CFAP52: variants seen among roughly 807,000 people sequenced by gnomAD.
CFAP52 encodes the protein cilia- and flagella-associated protein 52.
In CFAP52, 57 loss-of-function variants were observed where a neutral mutation model predicts 70.5. That is an observed-to-expected ratio of 0.81 (90% CI 0.65 to 1.01). The LOEUF (loss-of-function observed/expected upper bound fraction) is 1.01, where lower values mean the gene tolerates loss of function less well. CFAP52 is among the 50% of genes least tolerant of loss of function. The pLI, the probability that CFAP52 is intolerant of heterozygous loss-of-function variation, is 0.00. For synonymous variants in CFAP52, 267 were observed against 292.5 expected (o/e 0.91, Z 0.89); for missense variants, 785 against 788.5 (o/e 1.00, Z 0.05).
rs574357932 is a variant in CFAP52 at position 9,635,723 on chromosome 17, G to A, written c.1472+167G>A. On this transcript the variant is annotated intron_variant, in intron 11 of 13. Coordinates refer to ENST00000352665, the MANE Select transcript of CFAP52 (RefSeq NM_145054.5). Reference sequence around the variant, plus strand: ...CGTTCATGACGGTCCATGGTTTATCGATGCTAGTGGGGAGGGTTACAATTT... The same window carrying A: ...CGTTCATGACGGTCCATGGTTTATCAATGCTAGTGGGGAGGGTTACAATTT... Among the ~76,000 whole-genome samples the A allele has an allele frequency of 3.3e-5, 5 of 152,184 alleles. No individual in the cohort carries two copies. In the South Asian group the frequency reaches 6.2e-4, roughly 19 times the overall value.
At position 9,629,818 on chromosome 17, in the gene CFAP52, G is replaced by A. The variant is rs184944961; in HGVS notation, c.1174+998G>A. Among the ~76,000 whole-genome samples the A allele has an allele frequency of 3.7e-4, 57 of 152,014 alleles. 1 individual carries two copies. Among genetic ancestry groups the A allele is most frequent in the Non-Finnish European group, 1.6e-4 (11 of 67,970 alleles). On this transcript the variant is annotated intron_variant, in intron 9 of 13. Transcript: ENST00000352665. ...TTGGCCAAGCTGGTCTTGAACTCCC[G>A]ACCTCAGGCAATCCACCCGCCTCGG...
downstream of CFAP52, chr17:9,645,538 G>T: frequency 9.1e-7 from 1 of 1,102,898 alleles, no homozygotes; most frequent in East Asian, 4.6e-5. This position sits in a 1 kb window ranked among gnomAD's most constrained non-coding sequence, Gnocchi z 6.8. Context: ...GCAGGTAGCC[G>T]GCACCAGGAG....
At chr17:9,597,815 GAGAGAGAGAGAGAGAAAGAGAGAA>G (rs1458313595) in intron 4 of CFAP52, among the ~76,000 whole-genome samples, 1 of 151,108 alleles carries the variant, frequency 6.6e-6, no homozygotes, top group African/African-American at 2.4e-5. Flanking sequence ...GAGAGAGAGA[GAGAGAGAGAGAGAGAAAGAGAGAA>G]AGAGAGAGAG....
chr17:9,625,593 G>A (rs1357845562), intron 8 of CFAP52, among the ~76,000 whole-genome samples: 2 of 152,102 alleles, frequency 1.3e-5, no homozygotes, highest in African/African-American at 2.4e-5. Flanking sequence ...AGCTGGTAAC[G>A]CTATGGTTTT....
At chr17:9,612,244 T>C (rs1463900054) in intron 7 of CFAP52, 65 bp from the exon 8 acceptor site, 1 of 1,568,662 alleles carries the variant, frequency 6.4e-7, no homozygotes, top group Non-Finnish European at 8.7e-7. Context: ...CTGCCATGCT[T>C]CACATGATTC....
chr17:9,636,174 C>CAAAA (rs562065794), intron 11 of CFAP52, among the ~76,000 whole-genome samples: 39 of 78,756 alleles, frequency 5.0e-4, no homozygotes, highest in African/African-American at 1.9e-3. Context: ...AACTCTGTCT[C>CAAAA]AAAAAAAAGA....
intron 9 of CFAP52, among the ~76,000 whole-genome samples, chr17:9,629,375 C>T (rs73975752): frequency 0.018 from 2,677 of 152,296 alleles, 88 homozygotes; most frequent in African/African-American, 0.061. Context: ...AGAAAGTACA[C>T]ATACTGCTTC....
chr17:9,606,480 A>G (rs1450388607), intron 6 of CFAP52, among the ~76,000 whole-genome samples: 1 of 152,172 alleles, frequency 6.6e-6, no homozygotes, highest in East Asian at 1.9e-4. Flanking sequence ...CCTTCCTTAA[A>G]TGATCTCATT....
At chr17:9,627,720 AT>A (rs1329810803) in intron 8 of CFAP52, among the ~76,000 whole-genome samples, 1 of 151,956 alleles carries the variant, frequency 6.6e-6, no homozygotes, top group African/African-American at 2.4e-5. Context: ...ATTTTATTTC[AT>A]TTTATTTTTA....
rs912630282 is a variant in CFAP52 at position 9,600,242 on chromosome 17, CT to C, written c.753+69del. 3.5e-3 allele frequency: 4,566 copies of C among 1,296,642 alleles called. 4 individuals carry two copies. The highest frequency in any genetic ancestry group is 5.9e-3 in the South Asian group (451 of 76,152). The allele number at this position is 1,296,642 out of a possible 1,614,324, so 80.3% of individuals were successfully genotyped here. A position where few individuals can be genotyped will look rare whatever the true frequency, so the allele number is the denominator to read the frequency against. On this transcript the variant is annotated intron_variant, in intron 6 of 13. Coordinates refer to ENST00000352665, the MANE Select transcript of CFAP52 (RefSeq NM_145054.5). ...TTTCTCCCTTCACTGGCAGCATGTA[CT>C]TTTTTTTTTCCTTTTTGAGATGCAG...
At chr17:9,590,433 C>T (rs1006406108) in intron 3 of CFAP52, 7 of 203,582 alleles carry the variant, frequency 3.4e-5, no homozygotes, top group African/African-American at 9.3e-5. Context: ...CTTTTTGCCA[C>T]GGCAGAGGGC....
chr17:9,589,815 T>TTTTTTTG (rs1908663335), intron 3 of CFAP52: 1 of 149,040 alleles, frequency 6.7e-6, no homozygotes, highest in Admixed American at 6.7e-5. Context: ...TTTTTTTTTT[T>TTTTTTTG]GCAAGCAGAA....
intron 4 of CFAP52, among the ~76,000 whole-genome samples, chr17:9,596,085 A>AT (rs1419292101): frequency 7.2e-6 from 1 of 139,782 alleles, no homozygotes; most frequent in African/African-American, 2.6e-5. Context: ...ATATATATAT[A>AT]TATATATATA....
chr17:9,645,406 G>C (rs1911288977), downstream of CFAP52: 1 of 285,174 alleles, frequency 3.5e-6, no homozygotes, highest in African/African-American at 2.2e-5. The surrounding 1 kb of genome is among the most constrained non-coding windows in gnomAD (Gnocchi z 6.8). Context: ...GCGGCACCAG[G>C]CAGGGGTAGG....
At chr17:9,642,851 C>T (rs943707618) in intron 13 of CFAP52, among the ~76,000 whole-genome samples, 172 bp from the exon 14 acceptor site, 4 of 152,214 alleles carry the variant, frequency 2.6e-5, no homozygotes, top group Middle Eastern at 3.4e-3. Context: ...CTTTGTATTT[C>T]CCCCTCCTCT....
intron 6 of CFAP52, among the ~76,000 whole-genome samples, chr17:9,605,764 G>A (rs968456053): frequency 4.7e-5 from 7 of 148,896 alleles, no homozygotes; most frequent in African/African-American, 1.7e-4. Flanking sequence ...AGGAGTGAAT[G>A]GGTAAAGCAC....
intron 4 of CFAP52, among the ~76,000 whole-genome samples, chr17:9,595,172 A>C (rs1349975779): frequency 3.3e-5 from 5 of 152,130 alleles, no homozygotes; most frequent in Non-Finnish European, 7.4e-5. Context: ...GAATTTTAGA[A>C]ATCCTTTTTT....
At chr17:9,591,481 A>G (rs1908759312) in intron 3 of CFAP52, among the ~76,000 whole-genome samples, 1 of 152,210 alleles carries the variant, frequency 6.6e-6, no homozygotes, top group Admixed American at 6.5e-5. Flanking sequence ...TATAGATCTC[A>G]TTCTTTGCCA....
intron 13 of CFAP52, 102 bp from the exon 14 acceptor site, chr17:9,642,919 CAG>C (rs1911141821): frequency 1.0e-6 from 1 of 959,182 alleles, no homozygotes; most frequent in South Asian, 3.0e-5. Context: ...ATTATAAAGA[CAG>C]ATACATGGGG....
Sources: allele counts gnomAD v4.1 joint callset (sites outside exome capture counted in the v4.1 genomes callset), GRCh38; gene constraint gnomAD v4.1.1; non-coding constraint Gnocchi (gnomAD v3.1); transcripts MANE v1.5; gene names NCBI Gene and HGNC (gene_info 2026-07-23, HGNC 2026-07-21).